Variants in CEP70 observed in about 807,000 individuals in gnomAD.
CEP70 encodes centrosomal protein of 70 kDa.
A neutral mutation model predicts 90.9 loss-of-function variants in CEP70; 70 were observed. That is an observed-to-expected ratio of 0.77 (90% confidence interval 0.64 to 0.94). CEP70 has a LOEUF of 0.94. CEP70 is among the 40% of genes least tolerant of loss of function. The pLI is 0.00. For missense variants in CEP70, 648 were observed against 669.0 expected (o/e 0.97, Z 0.35); for synonymous variants, 220 against 228.3 (o/e 0.96, Z 0.33).
chr3:138,591,365 A>AT (rs34136846), intron 2 of CEP70, among the ~76,000 whole-genome samples: 10,763 of 150,070 alleles, frequency 0.072, 765 homozygotes, highest in East Asian at 0.38. Context: ...AAATATTCCA[A>AT]TTTTTTTTTT....
intron 1 of CEP70, among the ~76,000 whole-genome samples, chr3:138,592,498 A>G (rs1190665981): frequency 6.6e-6 from 1 of 151,956 alleles, no homozygotes; most frequent in Non-Finnish European, 1.5e-5. Context: ...GGGCCAAAAC[A>G]GAAGCTACAG....
In CEP70 at chr3:138,528,472, A is replaced by G. The variant is rs1354829931; in HGVS notation, c.869+727T>C. On this transcript the variant is annotated intron_variant, in intron 10 of 17. Transcript: ENST00000264982. ...GGAAAGAACTGACTAAAGTGAGTAT[A>G]AGAATATTATGTACTCATGATTAGC... Among the ~76,000 whole-genome samples the G allele has an allele frequency of 2.6e-5, 4 of 152,220 alleles. No homozygotes were observed. The East Asian group carries it at 7.7e-4, about 29-fold the overall frequency.
chr3:138,528,013 CAAA>C (rs778963528), intron 10 of CEP70, among the ~76,000 whole-genome samples: 2 of 62,844 alleles, frequency 3.2e-5, no homozygotes. Context: ...TTTTTAAAAG[CAAA>C]AAAAAAAAAA....
intron 11 of CEP70, among the ~76,000 whole-genome samples, chr3:138,524,022 CA>C (rs2036955139): frequency 9.2e-6 from 1 of 108,522 alleles, no homozygotes; most frequent in South Asian, 2.6e-4. Flanking sequence ...GGTACCAAAA[CA>C]GATACATAGA....
At position 138,500,429 on chromosome 3, in the gene CEP70, C is replaced by T. The variant is rs1399404353; in HGVS notation, c.1507G>A (p.Val503Met). The T allele has an allele frequency of 1.9e-6, 3 of 1,598,970 alleles. No individual in the cohort carries two copies. The highest frequency in any genetic ancestry group is 3.6e-5 in the Admixed American group (2 of 55,724). The stretch of plus-strand genomic sequence containing the variant: ...TCTAAGAGTTCTTGGAGGTTTCTCA[C>T]AGCATTGTTCATTTCTCCAAGCCTA... ...YTRLGEMNNA[V>M]RNLQELLELD... Residue 503 changes from valine to methionine, a missense_variant, in exon 15 of 18, where the codon GTG becomes ATG. Val to Met is a conservative substitution (Grantham distance 21, BLOSUM62 1). Coordinates refer to ENST00000264982, the MANE Select transcript of CEP70 (RefSeq NM_024491.4).
chr3:138,578,814 G>A (rs2041692202), intron 2 of CEP70, among the ~76,000 whole-genome samples: 2 of 152,192 alleles, frequency 1.3e-5, no homozygotes, highest in African/African-American at 2.4e-5. Context: ...ATTGAAGGCG[G>A]AGCAAAATGA....
intron 6 of CEP70, among the ~76,000 whole-genome samples, chr3:138,564,444 C>T (rs2040629023): frequency 6.6e-6 from 1 of 152,124 alleles, no homozygotes; most frequent in East Asian, 1.9e-4. Context: ...TGTGAAAATC[C>T]TCAATAAAAT....
At position 138,494,936 on chromosome 3, in the gene CEP70, G is replaced by A; in HGVS notation, c.*79C>T. The A allele has an allele frequency of 1.3e-6, 1 of 789,156 alleles. No homozygotes were observed. The highest frequency in any genetic ancestry group is 2.1e-6 in the Non-Finnish European group (1 of 468,952). 48.9% of individuals were successfully genotyped at this position (789,156 alleles called of 1,614,324 possible). On this transcript the variant is annotated 3_prime_UTR_variant, in exon 18 of 18. Transcript: ENST00000264982. ...AGAGCAAATACATTTTACAACCCTT[G>A]TCTCAAAATAAGATCAATCCTACAA...
At chr3:138,578,822 T>C (rs1411217495) in intron 2 of CEP70, among the ~76,000 whole-genome samples, 1 of 152,090 alleles carries the variant, frequency 6.6e-6, no homozygotes, top group Non-Finnish European at 1.5e-5. Flanking sequence ...CGGAGCAAAA[T>C]GACTGAACAG....
chr3:138,570,244 T>C (rs1231305276), intron 6 of CEP70, 74 bp downstream of exon 6: 1 of 972,612 alleles, frequency 1.0e-6, no homozygotes, highest in African/African-American at 1.7e-5. Context: ...TCAAACAACA[T>C]GGAAGTCACC....
chr3:138,566,622 G>C (rs2040809662), intron 6 of CEP70, among the ~76,000 whole-genome samples: 1 of 151,898 alleles, frequency 6.6e-6, no homozygotes. Context: ...AGAACACATG[G>C]ACACAGCAAG....
chr3:138,527,963 T>G (rs1015416263), intron 10 of CEP70, among the ~76,000 whole-genome samples: 1 of 150,508 alleles, frequency 6.6e-6, no homozygotes, highest in African/African-American at 2.4e-5. Flanking sequence ...CTTACATATA[T>G]GCAGTGTACT....
At chr3:138,570,530 A>C in intron 5 of CEP70, 32 bp from the exon 6 acceptor site, 2 of 1,530,510 alleles carry the variant, frequency 1.3e-6, no homozygotes, top group Non-Finnish European at 1.8e-6. Context: ...TTCTTCCCTT[A>C]GTATTAAAAA....
At chr3:138,550,991 C>T (rs1250733668) in intron 6 of CEP70, among the ~76,000 whole-genome samples, 2 of 152,142 alleles carry the variant, frequency 1.3e-5, no homozygotes, top group African/African-American at 4.8e-5. Flanking sequence ...TGCTAAAGAC[C>T]TAGACATTCA....
At chr3:138,553,290 T>A (rs34640717) in intron 6 of CEP70, among the ~76,000 whole-genome samples, 1 of 152,038 alleles carries the variant, frequency 6.6e-6, no homozygotes, top group East Asian at 1.9e-4. Flanking sequence ...CCATCCTGGC[T>A]AACACGGTGA....
intron 17 of CEP70, chr3:138,497,534 A>C (rs1290095285): frequency 1.0e-6 from 1 of 968,546 alleles, no homozygotes; most frequent in African/African-American, 1.8e-5. Flanking sequence ...ACTACTACTA[A>C]TGAAGCCCTC....
intron 10 of CEP70, among the ~76,000 whole-genome samples, 175 bp from the exon 11 acceptor site, chr3:138,525,739 C>G (rs1025957188): frequency 2.6e-5 from 4 of 152,142 alleles, no homozygotes; most frequent in African/African-American, 9.7e-5. Context: ...ATTTCTTCTT[C>G]TCTGTAATCC....
chr3:138,566,813 A>G (rs2040823972), intron 6 of CEP70, among the ~76,000 whole-genome samples: 2 of 151,522 alleles, frequency 1.3e-5, no homozygotes, highest in Non-Finnish European at 2.9e-5. Flanking sequence ...GTATATATAT[A>G]TATATAAAAA....
intron 11 of CEP70, among the ~76,000 whole-genome samples, chr3:138,517,663 C>T (rs1391093931): frequency 2.0e-5 from 3 of 151,956 alleles, no homozygotes; most frequent in African/African-American, 4.8e-5. Context: ...AGCAAGACTC[C>T]GTCTCAAAAA....
Sources: gnomAD v4.1 joint callset for allele counts (sites outside exome capture counted in the v4.1 genomes callset) on GRCh38, gnomAD v4.1.1 for gene constraint, MANE v1.5 for transcripts, NCBI Gene and HGNC (gene_info 2026-07-23, HGNC 2026-07-21) for gene names.